Variants in ZBTB10 observed in about 807,000 individuals in gnomAD.
ZBTB10 encodes zinc finger and BTB domain containing 10, also known as zinc finger and BTB domain-containing protein 10.
In ZBTB10, 32 loss-of-function variants were observed where a neutral mutation model predicts 76.4. The observed-to-expected ratio is 0.42, with a 90% CI of 0.32 to 0.56. The LOEUF is 0.56. Among genes scored for constraint, ZBTB10 ranks in the 20% least tolerant of loss-of-function variants. ZBTB10 has a pLI of 0.14. For missense variants in ZBTB10, 1,057 were observed against 1,098.5 expected (o/e 0.96, Z 0.53); for synonymous variants, 523 against 432.9 (o/e 1.21, Z -2.58).
intron 2 of ZBTB10, among the ~76,000 whole-genome samples, chr8:80,503,448 A>C (rs1251783761): frequency 6.6e-6 from 1 of 152,060 alleles, no homozygotes; most frequent in Non-Finnish European, 1.5e-5. Flanking sequence ...TGTAGCCAAA[A>C]TTTGCTTCTC....
intron 3 of ZBTB10, among the ~76,000 whole-genome samples, chr8:80,517,900 A>G (rs1412431458): frequency 3.6e-5 from 3 of 83,064 alleles, no homozygotes; most frequent in Non-Finnish European, 6.0e-5. Context: ...TTTTTTTGAG[A>G]CATGATCCCA....
chr8:80,493,205 G>GCACACACACACA (rs1475902734), intron 1 of ZBTB10, among the ~76,000 whole-genome samples: 10 of 98,370 alleles, frequency 1.0e-4, no homozygotes, highest in Admixed American at 3.4e-4. Context: ...GCGCGCGCGC[G>GCACACACACACA]CGCACACACA....
chr8:80,494,766 AAAAAT>A (rs1269528824), intron 1 of ZBTB10, among the ~76,000 whole-genome samples: 49 of 151,956 alleles, frequency 3.2e-4, no homozygotes, highest in African/African-American at 1.2e-3. Context: ...AAAAATTTAA[AAAAAT>A]AAAATAACTG....
intron 2 of ZBTB10, among the ~76,000 whole-genome samples, chr8:80,503,565 TGGA>T (rs1815978153): frequency 6.6e-6 from 1 of 152,172 alleles, no homozygotes; most frequent in Non-Finnish European, 1.5e-5. Context: ...TCACCAAGGC[TGGA>T]GTGCAGTTGC....
upstream of ZBTB10, chr8:80,485,956 C>T: frequency 6.9e-7 from 1 of 1,450,624 alleles, no homozygotes; most frequent in Non-Finnish European, 9.3e-7. Flanking sequence ...TAGCCCGGCC[C>T]CGGCCGCACA....
intron 1 of ZBTB10, among the ~76,000 whole-genome samples, chr8:80,494,180 A>G (rs1367888324): frequency 6.6e-6 from 1 of 152,190 alleles, no homozygotes; most frequent in Non-Finnish European, 1.5e-5. Flanking sequence ...CAATGCTTTT[A>G]GTTTACACTT....
Position 80,487,454 on chromosome 8 carries a change from G to A in ZBTB10, c.644G>A (p.Gly215Glu). The A allele has an allele frequency of 6.5e-7, 1 of 1,546,874 alleles. No homozygotes were observed. The highest frequency in any genetic ancestry group is 8.7e-7 in the Non-Finnish European group (1 of 1,143,288). The part of the protein sequence containing the change: ...SSSRRSGGDG[G>E]DEVEGSGVGA... ...AGCAGGCGGTCGGGCGGCGATGGCGGGGACGAAGTGGAGGGCAGCGGTGTG... is the reference window on the plus strand; with the variant it reads ...AGCAGGCGGTCGGGCGGCGATGGCGAGGACGAAGTGGAGGGCAGCGGTGTG... The change falls in exon 1 of 6, where the codon GGG becomes GAG. Residue 215 changes from glycine (G) to glutamate (E), a missense_variant. This residue lies in a region of ZBTB10 where 556 missense variants were observed against 451.7 expected (regional missense o/e 1.23). Coordinates refer to ENST00000455036, the MANE Select transcript of ZBTB10 (RefSeq NM_001105539.3).
upstream of ZBTB10, chr8:80,485,986 A>G (rs1815436203): frequency 2.3e-5 from 25 of 1,068,900 alleles, no homozygotes; most frequent in South Asian, 3.9e-4. Flanking sequence ...CCTCCCTGAG[A>G]CCCCCAGCCC....
chr8:80,512,889 A>G (rs1219895909), intron 2 of ZBTB10, among the ~76,000 whole-genome samples: 2 of 151,782 alleles, frequency 1.3e-5, no homozygotes, highest in Non-Finnish European at 2.9e-5. Context: ...CCACCTACTC[A>G]CCAGTATCGC....
At chr8:80,518,374 T>C in intron 3 of ZBTB10, 29 bp from the exon 4 acceptor site, 2 of 1,532,100 alleles carry the variant, frequency 1.3e-6, no homozygotes, top group Non-Finnish European at 1.8e-6. Flanking sequence ...TTATTACCAT[T>C]ATTAATTCAG....
chr8:80,519,603 A>G lies in ZBTB10; in HGVS notation c.*75A>G. ...CGACAATTTGGATTGTTGAACTTGA[A>G]GGCTTGCAAAATATGGTACATGCTG... is the stretch of plus-strand genomic sequence containing the variant. On this transcript the variant is annotated 3_prime_UTR_variant, in exon 6 of 6. Coordinates refer to ENST00000455036, the MANE Select transcript of ZBTB10 (RefSeq NM_001105539.3). 1 of 1,427,492 alleles carries G rather than the reference A, an allele frequency of 7.0e-7. No individual in the cohort carries two copies. The highest frequency in any genetic ancestry group is 9.4e-7 in the Non-Finnish European group (1 of 1,060,398). The allele number at this position is 1,427,492 out of a possible 1,614,324, so 88.4% of individuals were successfully genotyped here. A position where few individuals can be genotyped will look rare whatever the true frequency, so the allele number is the denominator to read the frequency against.
At chr8:80,504,726 A>C (rs1047886624) in intron 2 of ZBTB10, among the ~76,000 whole-genome samples, 1 of 152,228 alleles carries the variant, frequency 6.6e-6, no homozygotes, top group Admixed American at 6.5e-5. Context: ...ATAAGGGTAA[A>C]AATGATGTCG....
chr8:80,496,536 T>G (rs1216454357), intron 1 of ZBTB10, among the ~76,000 whole-genome samples: 1 of 152,126 alleles, frequency 6.6e-6, no homozygotes, highest in Non-Finnish European at 1.5e-5. Flanking sequence ...AGTGGTTGAA[T>G]GGTGTTTAAT....
chr8:80,486,750 G>A lies in ZBTB10; in HGVS notation c.-61G>A. Reference sequence around the variant, plus strand: ...AGGGGGAGCCGCGGGGAGCGCGCGGGACGCGGCCCGAGGCCGTGCGCGAGC... The same window carrying A: ...AGGGGGAGCCGCGGGGAGCGCGCGGAACGCGGCCCGAGGCCGTGCGCGAGC... On this transcript the variant is annotated 5_prime_UTR_variant, in exon 1 of 6. Coordinates refer to ENST00000455036, the MANE Select transcript of ZBTB10 (RefSeq NM_001105539.3). 1 of 1,067,318 alleles carries A rather than the reference G, an allele frequency of 9.4e-7. No homozygotes were observed. The highest frequency in any genetic ancestry group is 1.1e-6 in the Non-Finnish European group (1 of 883,404). The allele number at this position is 1,067,318 out of a possible 1,614,324, so 66.1% of individuals were successfully genotyped here. A position where few individuals can be genotyped will look rare whatever the true frequency, so the allele number is the denominator to read the frequency against.
chr8:80,497,774 G>A (rs1287166479), intron 1 of ZBTB10, among the ~76,000 whole-genome samples: 1 of 138,272 alleles, frequency 7.2e-6, no homozygotes, highest in Non-Finnish European at 1.5e-5. Context: ...CACAACCTCT[G>A]CCTCAGCCTC....
chr8:80,502,940 C>T (rs922162803), intron 2 of ZBTB10, among the ~76,000 whole-genome samples: 3 of 152,006 alleles, frequency 2.0e-5, no homozygotes, highest in Admixed American at 6.6e-5. Flanking sequence ...CATTACATGC[C>T]GTAAAGGGTC....
At chr8:80,500,411 C>G in intron 2 of ZBTB10, 29 bp downstream of exon 2, 1 of 1,468,530 alleles carries the variant, frequency 6.8e-7, no homozygotes, top group South Asian at 1.5e-5. Context: ...AGGATACTTC[C>G]TTGTTCATCC....
Position 80,520,996 on chromosome 8 carries a change from CTATTTTA to C in ZBTB10, c.*1472_*1478del, listed in dbSNP as rs1247551996. Reference sequence around the variant, plus strand: ...TTAAATAAAAATTGAGTATATTTTCCTATTTTATATCAGGTAACTAAATTATGCTAGT... The same window carrying C: ...TTAAATAAAAATTGAGTATATTTTCCTATCAGGTAACTAAATTATGCTAGT... On this transcript the variant is annotated 3_prime_UTR_variant, in exon 6 of 6. Coordinates refer to ENST00000455036, the MANE Select transcript of ZBTB10 (RefSeq NM_001105539.3). 1 of 151,846 alleles carries C rather than the reference CTATTTTA, an allele frequency of 6.6e-6. No individual in the cohort carries two copies. The highest frequency in any genetic ancestry group is 6.6e-5 in the Admixed American group (1 of 15,248). The allele number at this position is 151,846 out of a possible 1,614,324, so 9.4% of individuals were successfully genotyped here. A position where few individuals can be genotyped will look rare whatever the true frequency, so the allele number is the denominator to read the frequency against.
chr8:80,523,753 T>C lies in ZBTB10; in HGVS notation c.*4225T>C, dbSNP rs1014963048. 3.9e-5 allele frequency: 6 copies of C among 151,926 alleles called. No individual in the cohort carries two copies. The highest frequency in any genetic ancestry group is 1.4e-4 in the African/African-American group (6 of 41,412). The allele number at this position is 151,926 out of a possible 1,614,324, so 9.4% of individuals were successfully genotyped here. ...AATTTTATGACATTGGGTACTTAAA[T>C]TTGGAGTACACTAGCTATTGAGAAC... On this transcript the variant is annotated 3_prime_UTR_variant, in exon 6 of 6. Transcript: ENST00000455036.
Sources: allele counts gnomAD v4.1 joint callset (sites outside exome capture counted in the v4.1 genomes callset), GRCh38; gene constraint gnomAD v4.1.1; regional missense constraint gnomAD v4.1.1; transcripts MANE v1.5; gene names NCBI Gene and HGNC (gene_info 2026-07-23, HGNC 2026-07-21).